CIART: variants seen among roughly 807,000 people sequenced by gnomAD.
The protein encoded by CIART is circadian associated repressor of transcription, also known as circadian-associated transcriptional repressor.
Under a neutral mutation model 22.1 loss-of-function variants are expected in CIART, and 7 were observed. That is an observed-to-expected ratio of 0.32 (90% CI 0.18 to 0.59). The LOEUF (loss-of-function observed/expected upper bound fraction) is 0.59, where lower values mean the gene tolerates loss of function less well. CIART is among the 20% of genes least tolerant of loss of function. CIART has a pLI of 0.86. For missense variants in CIART, 440 were observed against 478.0 expected (o/e 0.92, Z 0.74); for synonymous variants, 163 against 174.6 (o/e 0.93, Z 0.53).
chr1:150,284,690 C>T lies in CIART; in HGVS notation c.615C>T (p.Gly205=), dbSNP rs782403638. 9 of 1,611,852 alleles carry T rather than the reference C, an allele frequency of 5.6e-6. No homozygotes were observed. In the Admixed American group the frequency reaches 6.7e-5, roughly 12 times the overall value. ...CCCAGAAGTCATCATTGGGTGGTGG[C>T]AAGCATCAGCTGACCAAGGTAAGAA... is the stretch of plus-strand genomic sequence containing the variant. ...IAAQKSSLGG[G]KHQLTKHFPS... Residue 205 remains glycine, a synonymous_variant, in exon 4 of 5, where the codon GGC becomes GGT. Transcript: ENST00000290363.
chr1:150,284,785 T>C, intron 4 of CIART, 77 bp downstream of exon 4: 1 of 1,079,832 alleles, frequency 9.3e-7, no homozygotes, highest in Non-Finnish European at 1.4e-6. Context: ...ATGGCCCCTT[T>C]TGCCATTTTC....
Position 150,284,427 on chromosome 1 carries a change from A to G in CIART, c.444A>G (p.Gly148=). 6.2e-7 allele frequency: 1 copy of G among 1,604,864 alleles called. No homozygotes were observed. Among genetic ancestry groups the G allele is most frequent in the East Asian group, 2.2e-5 (1 of 44,832 alleles). ...NGLKMGRFER[G]LSSFQQSVAM... ...ATCTCTCTCTGTCCCTGTCCCCAGG[A>G]TTAAGCAGTTTTCAGCAGAGTGTGG... Residue 148 remains glycine, a splice_region_variant and synonymous_variant, in exon 3 of 5, where the codon GGA becomes GGG. Transcript: ENST00000290363.
chr1:150,284,087 G>A (rs113928362), intron 2 of CIART, among the ~76,000 whole-genome samples: 81 of 151,772 alleles, frequency 5.3e-4, no homozygotes, highest in Non-Finnish European at 8.1e-4. Context: ...GCGCGATCTC[G>A]GCTCACTGCA....
Position 150,286,861 on chromosome 1 carries a change from A to C in CIART, c.1065A>C (p.Leu355=). 6.2e-7 allele frequency: 1 copy of C among 1,613,002 alleles called. No homozygotes were observed. Among genetic ancestry groups the C allele is most frequent in the Non-Finnish European group, 8.5e-7 (1 of 1,179,144 alleles). ...DWSYTLSPPS[L]PTLARKMTIG... The stretch of plus-strand genomic sequence containing the variant: ...GCTATACCCTATCCCCTCCCAGTCT[A>C]CCCACCTTGGCCAGAAAGATGACCA... The change falls in exon 5 of 5, where the codon CTA becomes CTC. Residue 355 remains leucine, a synonymous_variant. Transcript: ENST00000290363.
chr1:150,284,873 T>TTTTTTG, intron 4 of CIART, 165 bp downstream of exon 4: 1 of 560,804 alleles, frequency 1.8e-6, no homozygotes, highest in Admixed American at 3.4e-5. Flanking sequence ...TCCTACATGT[T>TTTTTTG]TTGTTGTTGT....
rs1553854885 is a variant in CIART, at chr1:150,287,085, A to T, written c.*131A>T. 1 of 927,190 alleles carries T rather than the reference A, an allele frequency of 1.1e-6. No homozygotes were observed. Among genetic ancestry groups the T allele is most frequent in the Non-Finnish European group, 1.5e-6 (1 of 670,448 alleles). The allele number at this position is 927,190 out of a possible 1,614,324, so 57.4% of individuals were successfully genotyped here. On this transcript the variant is annotated 3_prime_UTR_variant, in exon 5 of 5. Transcript: ENST00000290363. ...CCTTTCTGATTAAAGAAATTTTTTT[A>T]TACCTAAACAGTTTGCTGATTGGGG...
chr1:150,284,704 C>G lies in CIART; in HGVS notation c.629C>G (p.Thr210Ser), dbSNP rs1653388283. ...SSLGGGKHQL[T>S]KHFPSHHSDS... The stretch of plus-strand genomic sequence containing the variant: ...TTGGGTGGTGGCAAGCATCAGCTGA[C>G]CAAGGTAAGAACTTAAGAACACGAG... The change falls in exon 4 of 5, where the codon ACC becomes AGC. Residue 210 changes from threonine to serine, a missense_variant. Coordinates refer to ENST00000290363, the MANE Select transcript of CIART (RefSeq NM_144697.4). The G allele has an allele frequency of 6.2e-7, 1 of 1,606,952 alleles. No homozygotes were observed. The highest frequency in any genetic ancestry group is 2.2e-5 in the East Asian group (1 of 44,860).
chr1:150,286,885 C>T lies in CIART; in HGVS notation c.1089C>T (p.Thr363=). 1.9e-6 allele frequency: 3 copies of T among 1,610,732 alleles called. No homozygotes were observed. The highest frequency in any genetic ancestry group is 2.5e-6 in the Non-Finnish European group (3 of 1,178,000). Residue 363 remains threonine, a synonymous_variant, in exon 5 of 5, where the codon ACC becomes ACT. Coordinates refer to ENST00000290363, the MANE Select transcript of CIART (RefSeq NM_144697.4). The part of the protein sequence containing the change: ...PSLPTLARKM[T]IGHREQQRSH... The stretch of plus-strand genomic sequence containing the variant: ...TACCCACCTTGGCCAGAAAGATGAC[C>T]ATAGGACACCGGGAGCAGCAGAGAA...
In CIART at chr1:150,282,732, C is replaced by G. The variant is rs369673014; in HGVS notation, c.-536C>G. The G allele has an allele frequency of 6.5e-6, 1 of 152,736 alleles. No individual in the cohort carries two copies. The highest frequency in any genetic ancestry group is 2.1e-4 in the South Asian group (1 of 4,826). 9.5% of individuals were successfully genotyped at this position (152,736 alleles called of 1,614,324 possible). A position where few individuals can be genotyped will look rare whatever the true frequency, so the allele number is the denominator to read the frequency against. ...TTTGCATCACGTGGCAGGTGCGAGCCCAGAGAGACCGGCGCAGGGATCCTG... is the reference window on the plus strand; with the variant it reads ...TTTGCATCACGTGGCAGGTGCGAGCGCAGAGAGACCGGCGCAGGGATCCTG... On this transcript the variant is annotated 5_prime_UTR_variant, in exon 1 of 5. Coordinates refer to ENST00000290363, the MANE Select transcript of CIART (RefSeq NM_144697.4).
In CIART at chr1:150,282,946, A is replaced by T; in HGVS notation, c.-322A>T. Reference sequence around the variant, plus strand: ...ACGGGCGGAGGGGAAGGTGTCTTTCAAGTCGGTATTTACTCTGAACTGAGG... The same window carrying T: ...ACGGGCGGAGGGGAAGGTGTCTTTCTAGTCGGTATTTACTCTGAACTGAGG... On this transcript the variant is annotated 5_prime_UTR_variant, in exon 1 of 5. The change creates a premature stop within an existing upstream ORF in the 5' untranslated region. Transcript: ENST00000290363. 1 of 167,620 alleles carries T rather than the reference A, an allele frequency of 6.0e-6. No individual in the cohort carries two copies. Among genetic ancestry groups the T allele is most frequent in the Non-Finnish European group, 1.3e-5 (1 of 79,112 alleles). The allele number at this position is 167,620 out of a possible 1,614,324, so 10.4% of individuals were successfully genotyped here.
At position 150,284,713 on chromosome 1, in the gene CIART, G is replaced by A; in HGVS notation, c.633+5G>A. 6.3e-7 allele frequency: 1 copy of A among 1,590,902 alleles called. No individual in the cohort carries two copies. Among genetic ancestry groups the A allele is most frequent in the Non-Finnish European group, 8.6e-7 (1 of 1,159,602 alleles). On this transcript the variant is annotated splice_donor_5th_base_variant and intron_variant, in intron 4 of 4. Coordinates refer to ENST00000290363, the MANE Select transcript of CIART (RefSeq NM_144697.4). ...GGCAAGCATCAGCTGACCAAGGTAA[G>A]AACTTAAGAACACGAGGAAGAGGTG...
chr1:150,284,802 G>GTCTTTTCTTCAAGTT, intron 4 of CIART, 94 bp downstream of exon 4: 1 of 874,714 alleles, frequency 1.1e-6, no homozygotes, highest in Non-Finnish European at 1.8e-6. Context: ...TTTCTTTTGA[G>GTCTTTTCTTCAAGTT]TCTTTTCTTC....
intron 3 of CIART, 25 bp downstream of exon 3, chr1:150,284,529 G>A: frequency 9.4e-6 from 15 of 1,598,282 alleles, no homozygotes; most frequent in Non-Finnish European, 1.3e-5. Context: ...TTCTTTGCTT[G>A]GGTCTTCATA....
Position 150,283,101 on chromosome 1 carries a change from T to C in CIART, c.-167T>C, listed in dbSNP as rs77397012. The C allele has an allele frequency of 2.8e-3, 1,683 of 603,682 alleles. 31 individuals are homozygous for C. In the African/African-American group the frequency reaches 0.029, roughly 10 times the overall value. The allele number at this position is 603,682 out of a possible 1,614,324, so 37.4% of individuals were successfully genotyped here. A position where few individuals can be genotyped will look rare whatever the true frequency, so the allele number is the denominator to read the frequency against. On this transcript the variant is annotated 5_prime_UTR_variant, in exon 1 of 5. Transcript: ENST00000290363. ...TCTATTGTGTTTGAGACCGGTAATA[T>C]TGGGGAGGGGGAGAACAAGTATTAT... is the stretch of plus-strand genomic sequence containing the variant.
rs782095729 is a variant in CIART, at chr1:150,284,591, T to C, written c.522-6T>C. 2.5e-5 allele frequency: 40 copies of C among 1,609,058 alleles called. No homozygotes were observed. Among genetic ancestry groups the C allele is most frequent in the South Asian group, 4.4e-5 (4 of 90,954 alleles). ...CTGGTTTTTTAAAGCAACGTCATTT[T>C]CACAGGGAACGTTACCTAGGAACCT... On this transcript the variant is annotated splice_polypyrimidine_tract_variant and splice_region_variant and intron_variant, in intron 3 of 4. Coordinates refer to ENST00000290363, the MANE Select transcript of CIART (RefSeq NM_144697.4).
At position 150,286,947 on chromosome 1, in the gene CIART, A is replaced by G. The variant is rs782472189; in HGVS notation, c.1151A>G (p.Asn384Ser). Residue 384 changes from asparagine to serine, a missense_variant, in exon 5 of 5, where the codon AAC becomes AGC. Physicochemically the swap from Asn to Ser is conservative, Grantham distance 46 (BLOSUM62 1). Transcript: ENST00000290363. ...PPVAADAHLL[N>S]L ...GTTGCTGCTGATGCTCATCTTCTCA[A>G]CCTCTAGCCCAGGGCATACAGCTGT... 5.7e-6 allele frequency: 9 copies of G among 1,572,788 alleles called. No homozygotes were observed. The highest frequency in any genetic ancestry group is 1.2e-5 in the South Asian group (1 of 84,384).
At chr1:150,284,006 A>ATTATTATTATTATTATT in intron 2 of CIART, 126 bp downstream of exon 2, 2 of 331,318 alleles carry the variant, frequency 6.0e-6, no homozygotes, top group African/African-American at 4.6e-5. Flanking sequence ...CTATGACTTT[A>ATTATTATTATTATTATT]TTATTATTAT....
rs1193628327 is a variant in CIART, at chr1:150,286,560, C to T, written c.764C>T (p.Ala255Val). 4 of 1,605,082 alleles carry T rather than the reference C, an allele frequency of 2.5e-6. No homozygotes were observed. The highest frequency in any genetic ancestry group is 3.4e-6 in the Non-Finnish European group (4 of 1,172,116). Residue 255 changes from alanine to valine, a missense_variant, in exon 5 of 5, where the codon GCT becomes GTT. Coordinates refer to ENST00000290363, the MANE Select transcript of CIART (RefSeq NM_144697.4). ...CCTTGGCACCTCACACAATGGCCAG[C>T]TATGAACCTCACCTGGATCCACACC... is the stretch of plus-strand genomic sequence containing the variant. Reference protein sequence around the residue: ...KQPWHLTQWPAMNLTWIHTTP... With the variant: ...KQPWHLTQWPVMNLTWIHTTP...
At position 150,284,668 on chromosome 1, in the gene CIART, A is replaced by G; in HGVS notation, c.593A>G (p.Gln198Arg). ...LKTWFPQIAA[Q>R]KSSLGGGKHQ... ...ACTTGGTTTCCACAAATAGCTGCCC[A>G]GAAGTCATCATTGGGTGGTGGCAAG... The change falls in exon 4 of 5, where the codon CAG (glutamine) becomes CGG (arginine). Residue 198 changes from glutamine (Q) to arginine (R), a missense_variant. Transcript: ENST00000290363. The G allele has an allele frequency of 6.2e-7, 1 of 1,614,002 alleles. No homozygotes were observed. The highest frequency in any genetic ancestry group is 2.2e-5 in the East Asian group (1 of 44,888).
Sources: gnomAD v4.1 joint callset for allele counts (sites outside exome capture counted in the v4.1 genomes callset) on GRCh38, gnomAD v4.1.1 for gene constraint, MANE v1.5 for transcripts, NCBI Gene and HGNC (gene_info 2026-07-23, HGNC 2026-07-21) for gene names.